The following CLRN1 variants were observed in gnomAD, a reference collection of about 807,000 sequenced individuals.
CLRN1 encodes clarin 1.
A neutral mutation model predicts 18.7 loss-of-function variants in CLRN1; 15 were observed. The observed-to-expected ratio is 0.80, with a 90% confidence interval of 0.54 to 1.23. The LOEUF is 1.23. Ranked by LOEUF, CLRN1 falls within the 50% of genes most tolerant of loss-of-function variation. CLRN1 has a pLI of 0.00. For missense variants in CLRN1, 311 were observed against 277.5 expected, an observed-to-expected ratio of 1.12 and a Z score of -0.86; for synonymous variants, 104 against 102.9, an observed-to-expected ratio of 1.01 and a Z score of -0.07.
intron 2 of CLRN1, among the ~76,000 whole-genome samples, chr3:150,937,230 TA>T (rs1713545945): frequency 6.6e-6 from 1 of 152,198 alleles, no homozygotes; most frequent in South Asian, 2.1e-4. Context: ...ATTATTGATA[TA>T]CACTTTTGTT....
chr3:150,942,938 C>T (rs1219117425), intron 1 of CLRN1, among the ~76,000 whole-genome samples: 2 of 152,106 alleles, frequency 1.3e-5, no homozygotes, highest in Non-Finnish European at 2.9e-5. Flanking sequence ...GTCCAGGCTA[C>T]TCTTCTGGAG....
intron 1 of CLRN1, among the ~76,000 whole-genome samples, chr3:150,946,394 T>G (rs1346804103): frequency 6.6e-6 from 1 of 152,190 alleles, no homozygotes; most frequent in Non-Finnish European, 1.5e-5. Flanking sequence ...ACAGCCACCT[T>G]AGGGACTGGC....
intron 2 of CLRN1, chr3:150,940,486 G>A: frequency 1.3e-6 from 2 of 1,534,908 alleles, no homozygotes; most frequent in Non-Finnish European, 1.7e-6. Context: ...AGTACCTTGA[G>A]CCTGGTGCCT....
intron 1 of CLRN1, among the ~76,000 whole-genome samples, chr3:150,944,929 C>T (rs1714087529): frequency 6.6e-6 from 1 of 152,142 alleles, no homozygotes; most frequent in Admixed American, 6.5e-5. Flanking sequence ...TACCTTAAAA[C>T]CTCCAAGTAG....
At chr3:150,926,512 A>G, downstream of CLRN1, 1 of 456,348 alleles carries the variant, frequency 2.2e-6, no homozygotes, top group Non-Finnish European at 4.0e-6. Flanking sequence ...GCTAGACTGA[A>G]TTGTAGTCTT....
At chr3:150,967,231 C>T (rs2060562372) in intron 1 of CLRN1, among the ~76,000 whole-genome samples, 1 of 152,168 alleles carries the variant, frequency 6.6e-6, no homozygotes, top group Non-Finnish European at 1.5e-5. Flanking sequence ...GGGAAATACA[C>T]ATTCTCAAAT....
intron 1 of CLRN1, among the ~76,000 whole-genome samples, chr3:150,969,744 TG>T (rs1462668700): frequency 3.3e-5 from 5 of 151,902 alleles, no homozygotes; most frequent in Admixed American, 2.6e-4. Context: ...GATAATAACA[TG>T]ACAACACAAA....
chr3:150,949,391 C>T (rs918408972), intron 1 of CLRN1, among the ~76,000 whole-genome samples: 2 of 152,032 alleles, frequency 1.3e-5, no homozygotes, highest in African/African-American at 4.8e-5. Flanking sequence ...TAAAGGGCAT[C>T]CAAGTAGGAA....
chr3:150,941,832 T>C (rs1713865843), intron 1 of CLRN1, 71 bp from the exon 2 acceptor site: 1 of 1,335,150 alleles, frequency 7.5e-7, no homozygotes, highest in South Asian at 1.2e-5. Context: ...ATTTTAAAAA[T>C]CAAATCTCTC....
intron 1 of CLRN1, among the ~76,000 whole-genome samples, chr3:150,947,052 T>A (rs533589456): frequency 4.5e-4 from 69 of 152,212 alleles, no homozygotes; most frequent in African/African-American, 1.3e-3. Context: ...ATCATTGTTA[T>A]AGATTTTATT....
At chr3:150,939,238 G>A (rs1265142046) in intron 2 of CLRN1, among the ~76,000 whole-genome samples, 2 of 152,128 alleles carry the variant, frequency 1.3e-5, no homozygotes, top group Non-Finnish European at 2.9e-5. Flanking sequence ...CACTTCACTT[G>A]TAGTTCTCCC....
chr3:150,966,913 C>A lies in CLRN1; in HGVS notation c.253+5543G>T, dbSNP rs73155714. Among the ~76,000 whole-genome samples, 206 of 152,270 alleles carry A rather than the reference C, an allele frequency of 1.4e-3. 1 individual carries two copies. The highest frequency in any genetic ancestry group is 2.4e-3 in the Admixed American group (36 of 15,294). ...GAAGGAACTTGTCTAGAACAGCGAG[C>A]CCCTCGTTGTATAGATCACAGAGCA... On this transcript the variant is annotated intron_variant, in intron 1 of 2. Coordinates refer to ENST00000327047, the MANE Select transcript of CLRN1 (RefSeq NM_174878.3).
chr3:150,932,414 T>C (rs1422735541), intron 2 of CLRN1, among the ~76,000 whole-genome samples: 1 of 152,296 alleles, frequency 6.6e-6, no homozygotes, highest in Admixed American at 6.5e-5. Flanking sequence ...CTCTGAAATG[T>C]TATGAAATGT....
intron 1 of CLRN1, among the ~76,000 whole-genome samples, chr3:150,959,031 T>C (rs1168373678): frequency 3.9e-5 from 6 of 152,232 alleles, no homozygotes; most frequent in East Asian, 1.9e-4. Context: ...GAAACACATC[T>C]TTTTTGTTTC....
intron 1 of CLRN1, among the ~76,000 whole-genome samples, chr3:150,960,636 C>T (rs1301624589): frequency 6.6e-6 from 1 of 152,174 alleles, no homozygotes; most frequent in Non-Finnish European, 1.5e-5. Flanking sequence ...TTCCCTTGTG[C>T]AATTTCTTGG....
rs994587400 is a variant in CLRN1 at position 150,941,212 on chromosome 3, A to G, written c.433+370T>C. On this transcript the variant is annotated intron_variant, in intron 2 of 2. Transcript: ENST00000327047. ...ATATATATAGCCCCCATATATACAT[A>G]TATGTATTTTATATGTATATTCCCT... Among the ~76,000 whole-genome samples the G allele has an allele frequency of 7.3e-5, 11 of 149,726 alleles. No homozygotes were observed. In the East Asian group the frequency reaches 7.8e-4, roughly 11 times the overall value.
At chr3:150,929,212 C>T (rs902476411) in intron 2 of CLRN1, among the ~76,000 whole-genome samples, 4 of 152,160 alleles carry the variant, frequency 2.6e-5, no homozygotes, top group South Asian at 4.1e-4. Context: ...GCTGTGATTT[C>T]GGTGAGATTG....
At chr3:150,932,263 G>A (rs1051745756) in intron 2 of CLRN1, among the ~76,000 whole-genome samples, 12 of 152,194 alleles carry the variant, frequency 7.9e-5, no homozygotes, top group South Asian at 2.1e-4. Flanking sequence ...TATGGGGAAC[G>A]TAGGACATGG....
At position 150,927,631 on chromosome 3, in the gene CLRN1, T is replaced by TAC. The variant is rs34027634; in HGVS notation, c.*303_*304dup. The TAC allele has an allele frequency of 0.016, 7,468 of 472,522 alleles. 82 individuals are homozygous for TAC. The highest frequency in any genetic ancestry group is 0.054 in the African/African-American group (2,701 of 50,092). The allele number at this position is 472,522 out of a possible 1,614,324, so 29.3% of individuals were successfully genotyped here. A position where few individuals can be genotyped will look rare whatever the true frequency, so the allele number is the denominator to read the frequency against. ...ATATCTTTTTGATAGGAAGACATCT[T>TAC]ACACACACACACACACACACACACA... On this transcript the variant is annotated 3_prime_UTR_variant, in exon 3 of 3. Coordinates refer to ENST00000327047, the MANE Select transcript of CLRN1 (RefSeq NM_174878.3).
Sources: allele counts gnomAD v4.1 joint callset (sites outside exome capture counted in the v4.1 genomes callset), GRCh38; gene constraint gnomAD v4.1.1; transcripts MANE v1.5; gene names NCBI Gene and HGNC (gene_info 2026-07-23, HGNC 2026-07-21).